The following RASL11B variants were observed in gnomAD, a reference collection of about 807,000 sequenced individuals.
The protein encoded by RASL11B is ras-like protein family member 11B.
A neutral mutation model predicts 22.9 loss-of-function variants in RASL11B; 14 were observed. The observed-to-expected ratio is 0.61, with a 90% confidence interval of 0.40 to 0.96. The LOEUF is 0.96. Among genes scored for constraint, RASL11B ranks in the 40% least tolerant of loss-of-function variants. The probability of loss-of-function intolerance (pLI) is 0.00; values close to 1 mark genes in which losing one functional copy is unlikely to be tolerated. For missense variants in RASL11B, 261 were observed against 322.0 expected, an observed-to-expected ratio of 0.81 and a Z score of 1.45; for synonymous variants, 143 against 130.2, an observed-to-expected ratio of 1.10 and a Z score of -0.67.
In RASL11B at chr4:52,865,657, A is replaced by T; in HGVS notation, c.599A>T (p.Glu200Val). Residue 200 changes from glutamate to valine, a missense_variant, in exon 4 of 4, where the codon GAG becomes GTG. Glu to Val is a moderately radical substitution (Grantham distance 121). Transcript: ENST00000248706. ...VYSAFHVLCKEVSHKQQPSST... is the reference protein window; with the variant it reads ...VYSAFHVLCKVVSHKQQPSST... The stretch of plus-strand genomic sequence containing the variant: ...AGCGCCTTCCACGTCCTCTGTAAAG[A>T]GGTCAGTCACAAACAGCAGCCTAGC... 1 of 1,614,168 alleles carries T rather than the reference A, an allele frequency of 6.2e-7. No individual in the cohort carries two copies. The highest frequency in any genetic ancestry group is 8.5e-7 in the Non-Finnish European group (1 of 1,180,032).
At chr4:52,864,291 C>G (rs1560463727) in intron 2 of RASL11B, 187 bp from the exon 3 acceptor site, 2 of 522,778 alleles carry the variant, frequency 3.8e-6, no homozygotes, top group South Asian at 3.2e-5. Flanking sequence ...TTTAATAAAT[C>G]TAACATAGGG....
At chr4:52,864,440 A>G in intron 2 of RASL11B, 38 bp from the exon 3 acceptor site, 2 of 1,302,438 alleles carry the variant, frequency 1.5e-6, no homozygotes, top group Non-Finnish European at 2.2e-6. Flanking sequence ...AAGTTGTACA[A>G]GAAGGAAGAA....
rs899763630 is a variant in RASL11B, at chr4:52,862,320, C to CT, written c.-187dup. On this transcript the variant is annotated 5_prime_UTR_variant, in exon 1 of 4. Transcript: ENST00000248706. ...AGCCGGCGCGCCGCGCGAGTGCAGT[C>CT]TGGGTCTGGAGCCTGAGCCCTGCGG... The CT allele has an allele frequency of 5.6e-6, 3 of 534,268 alleles. No homozygotes were observed. The highest frequency in any genetic ancestry group is 9.3e-6 in the Non-Finnish European group (3 of 324,226). 33.1% of individuals were successfully genotyped at this position (534,268 alleles called of 1,614,324 possible).
At position 52,864,503 on chromosome 4, in the gene RASL11B, G is replaced by T; in HGVS notation, c.225G>T (p.Gln75His). Reference sequence around the variant, plus strand: ...GTAATCTCTATACTAGACAAGTTCAGATAGAAGGTGAAACCCTGGCTCTTC... The same window carrying T: ...GTAATCTCTATACTAGACAAGTTCATATAGAAGGTGAAACCCTGGCTCTTC... Reference protein sequence around the residue: ...NAGNLYTRQVQIEGETLALQV... With the variant: ...NAGNLYTRQVHIEGETLALQV... The change falls in exon 3 of 4, where the codon CAG becomes CAT. Residue 75 changes from glutamine (Q) to histidine (H), a missense_variant. Gln to His is a conservative substitution (Grantham distance 24). Transcript: ENST00000248706. 6.2e-7 allele frequency: 1 copy of T among 1,608,374 alleles called. No homozygotes were observed. Among genetic ancestry groups the T allele is most frequent in the Non-Finnish European group, 8.5e-7 (1 of 1,174,728 alleles).
rs1176987100 is a variant in RASL11B at position 52,862,482 on chromosome 4, C to T, written c.-26C>T. 2 of 1,600,224 alleles carry T rather than the reference C, an allele frequency of 1.2e-6. No individual in the cohort carries two copies. Among genetic ancestry groups the T allele is most frequent in the East Asian group, 4.6e-5 (2 of 43,464 alleles). On this transcript the variant is annotated 5_prime_UTR_variant, in exon 1 of 4. Coordinates refer to ENST00000248706, the MANE Select transcript of RASL11B (RefSeq NM_023940.3). ...CATTCTCCAGTCCCTCAGTCCCTTC[C>T]CGCGCGGTGCGCCGCAGCCGAGGCG...
Position 52,865,919 on chromosome 4 carries a change from C to A in RASL11B, c.*114C>A. 1.3e-6 allele frequency: 1 copy of A among 768,234 alleles called. No homozygotes were observed. The highest frequency in any genetic ancestry group is 2.1e-6 in the Non-Finnish European group (1 of 478,190). The allele number at this position is 768,234 out of a possible 1,614,324, so 47.6% of individuals were successfully genotyped here. ...TTCCTGGTTCCAGAAAGGGCTGGAG[C>A]AGAAGGGCCAAGAGGGCCTGTGGAA... On this transcript the variant is annotated 3_prime_UTR_variant, in exon 4 of 4. Coordinates refer to ENST00000248706, the MANE Select transcript of RASL11B (RefSeq NM_023940.3).
Position 52,864,502 on chromosome 4 carries a change from A to C in RASL11B, c.224A>C (p.Gln75Pro). ...NAGNLYTRQVQIEGETLALQV... is the reference protein window; with the variant it reads ...NAGNLYTRQVPIEGETLALQV... ...GGTAATCTCTATACTAGACAAGTTC[A>C]GATAGAAGGTGAAACCCTGGCTCTT... Residue 75 changes from glutamine to proline, a missense_variant, in exon 3 of 4, where the codon CAG (glutamine) becomes CCG (proline). Gln to Pro is a moderately conservative substitution (Grantham distance 76, BLOSUM62 -1). Coordinates refer to ENST00000248706, the MANE Select transcript of RASL11B (RefSeq NM_023940.3). The C allele has an allele frequency of 6.2e-7, 1 of 1,607,624 alleles. No homozygotes were observed. Among genetic ancestry groups the C allele is most frequent in the Non-Finnish European group, 8.5e-7 (1 of 1,174,026 alleles).
chr4:52,863,421 C>A (rs766662907), intron 2 of RASL11B, 97 bp downstream of exon 2: 6 of 1,030,020 alleles, frequency 5.8e-6, no homozygotes, highest in Non-Finnish European at 8.9e-6. Context: ...CAGTGACAGT[C>A]CGAGCCTGAG....
intron 1 of RASL11B, 113 bp downstream of exon 1, chr4:52,862,762 C>G: frequency 2.3e-5 from 29 of 1,262,738 alleles, no homozygotes; most frequent in South Asian, 3.2e-5. Context: ...TCTCCGTCCC[C>G]GCGCAGGGAG....
Position 52,865,705 on chromosome 4 carries a change from C to G in RASL11B, c.647C>G (p.Thr216Ser), listed in dbSNP as rs764877478. ...AGCAGTACACCCGAGAAGCGAAGAA[C>G]CTCCCTCATTCCCAGGCCCAAGTCA... Reference protein sequence around the residue: ...QPSSTPEKRRTSLIPRPKSPN... With the variant: ...QPSSTPEKRRSSLIPRPKSPN... Residue 216 changes from threonine to serine, a missense_variant, in exon 4 of 4, where the codon ACC (threonine) becomes AGC (serine). Physicochemically the swap from Thr to Ser is moderately conservative, Grantham distance 58 (BLOSUM62 1). Transcript: ENST00000248706. 1 of 1,614,008 alleles carries G rather than the reference C, an allele frequency of 6.2e-7. No homozygotes were observed. Among genetic ancestry groups the G allele is most frequent in the African/African-American group, 1.3e-5 (1 of 74,900 alleles).
intron 2 of RASL11B, chr4:52,863,720 AC>A (rs754276996): frequency 3.1e-4 from 55 of 179,490 alleles, no homozygotes; most frequent in Admixed American, 7.7e-4. Flanking sequence ...TTCAGAGGTG[AC>A]CTTTTAAAGC....
In RASL11B at chr4:52,865,791, G is replaced by C. The variant is rs749323869; in HGVS notation, c.733G>C (p.Val245Leu). 2 of 1,613,234 alleles carry C rather than the reference G, an allele frequency of 1.2e-6. No individual in the cohort carries two copies. The highest frequency in any genetic ancestry group is 1.7e-6 in the Non-Finnish European group (2 of 1,179,600). Residue 245 changes from valine (V) to leucine (L), a missense_variant, in exon 4 of 4, where the codon GTC becomes CTC. Coordinates refer to ENST00000248706, the MANE Select transcript of RASL11B (RefSeq NM_023940.3). Reference sequence around the variant, plus strand: ...AGCCCTCTCTGCCAAAGTGAGGACTGTCACCTCCGTCTGAAGCAGGAGGAG... The same window carrying C: ...AGCCCTCTCTGCCAAAGTGAGGACTCTCACCTCCGTCTGAAGCAGGAGGAG... The part of the protein sequence containing the change: ...KQALSAKVRT[V>L]TSV
Position 52,862,480 on chromosome 4 carries a change from T to C in RASL11B, c.-28T>C, listed in dbSNP as rs1718176240. 5 of 1,599,082 alleles carry C rather than the reference T, an allele frequency of 3.1e-6. No homozygotes were observed. Among genetic ancestry groups the C allele is most frequent in the African/African-American group, 1.4e-5 (1 of 72,910 alleles). On this transcript the variant is annotated 5_prime_UTR_variant, in exon 1 of 4. Transcript: ENST00000248706. ...AGCATTCTCCAGTCCCTCAGTCCCT[T>C]CCCGCGCGGTGCGCCGCAGCCGAGG...
chr4:52,862,501 C>T lies in RASL11B; in HGVS notation c.-7C>T. The T allele has an allele frequency of 1.2e-6, 2 of 1,602,450 alleles. No homozygotes were observed. The highest frequency in any genetic ancestry group is 1.7e-6 in the Non-Finnish European group (2 of 1,175,662). ...CCCTTCCCGCGCGGTGCGCCGCAGC[C>T]GAGGCGATGCGCCTCATTCAGAACA... On this transcript the variant is annotated 5_prime_UTR_variant, in exon 1 of 4. Coordinates refer to ENST00000248706, the MANE Select transcript of RASL11B (RefSeq NM_023940.3).
rs759997092 is a variant in RASL11B at position 52,864,583 on chromosome 4, G to T, written c.276+29G>T. 78 of 1,433,722 alleles carry T rather than the reference G, an allele frequency of 5.4e-5. 1 individual carries two copies. In the Middle Eastern group the frequency reaches 7.0e-4, roughly 13 times the overall value. The allele number at this position is 1,433,722 out of a possible 1,614,324, so 88.8% of individuals were successfully genotyped here. On this transcript the variant is annotated intron_variant, in intron 3 of 3. Transcript: ENST00000248706. ...AGAAGCTCTGAGACTCTGGGTGAAA[G>T]GGGAACCTACTTGGCTGTGGAATCA...
intron 1 of RASL11B, 51 bp downstream of exon 1, chr4:52,862,700 G>C (rs776656068): frequency 1.3e-6 from 2 of 1,486,768 alleles, no homozygotes; most frequent in Admixed American, 2.2e-5. Flanking sequence ...CCCCTGACGG[G>C]AGTTGAGGCT....
Position 52,865,852 on chromosome 4 carries a change from C to T in RASL11B, c.*47C>T. On this transcript the variant is annotated 3_prime_UTR_variant, in exon 4 of 4. Coordinates refer to ENST00000248706, the MANE Select transcript of RASL11B (RefSeq NM_023940.3). ...GGTTTGGTCTTCCCAGGAAGAGGGC[C>T]TGAGGTTCTCCTAGTGCAGGAACGT... is the stretch of plus-strand genomic sequence containing the variant. 2 of 1,415,654 alleles carry T rather than the reference C, an allele frequency of 1.4e-6. No homozygotes were observed. The highest frequency in any genetic ancestry group is 2.0e-6 in the Non-Finnish European group (2 of 1,014,702). 87.7% of individuals were successfully genotyped at this position (1,415,654 alleles called of 1,614,324 possible).
At position 52,865,298 on chromosome 4, in the gene RASL11B, G is replaced by A. The variant is rs375423532; in HGVS notation, c.277-37G>A. On this transcript the variant is annotated intron_variant, in intron 3 of 3. Transcript: ENST00000248706. ...CCAAGCCCAGGCTCTTTGTACAACT[G>A]GCCAGCATTCACCTTGCCATCACTC... The A allele has an allele frequency of 1.1e-5, 17 of 1,537,940 alleles. No individual in the cohort carries two copies. The South Asian group carries it at 1.4e-4, about 13-fold the overall frequency.
intron 3 of RASL11B, 119 bp downstream of exon 3, chr4:52,864,673 T>G: frequency 1.4e-6 from 1 of 740,488 alleles, no homozygotes; most frequent in Non-Finnish European, 2.5e-6. Context: ...ACATCTAGAC[T>G]TTTACATGTC....
Sources: allele counts gnomAD v4.1 joint callset, GRCh38; gene constraint gnomAD v4.1.1; transcripts MANE v1.5; gene names NCBI Gene and HGNC (gene_info 2026-07-23, HGNC 2026-07-21).